The following CCDC146 variants were observed in gnomAD, a reference collection of about 807,000 sequenced individuals.
CCDC146 encodes the protein coiled-coil domain containing 146.
A neutral mutation model predicts 119.3 loss-of-function variants in CCDC146; 92 were observed. The observed-to-expected ratio is 0.77, with a 90% confidence interval of 0.65 to 0.92. The LOEUF (loss-of-function observed/expected upper bound fraction) is 0.92. Among genes scored for constraint, CCDC146 ranks in the 40% least tolerant of loss-of-function variants. The probability of loss-of-function intolerance (pLI) is 0.00; values close to 1 mark genes in which losing one functional copy is unlikely to be tolerated. For synonymous variants in CCDC146, 372 were observed against 371.8 expected (o/e 1.00, Z -0.01); for missense variants, 1,000 against 1,103.0 (o/e 0.91, Z 1.32).
intron 4 of CCDC146, among the ~76,000 whole-genome samples, chr7:77,252,367 G>A (rs1173479566): frequency 6.6e-6 from 1 of 152,090 alleles, no homozygotes; most frequent in Admixed American, 6.5e-5. Flanking sequence ...AAAGAAATAT[G>A]TTCCAAATGC....
chr7:77,188,155 A>G (rs1791701441), intron 2 of CCDC146, among the ~76,000 whole-genome samples: 1 of 152,164 alleles, frequency 6.6e-6, no homozygotes, highest in Non-Finnish European at 1.5e-5. Context: ...TGCTGTGATT[A>G]TGGGGGCTGC....
chr7:77,259,195 C>T (rs761116381), intron 7 of CCDC146, 127 bp downstream of exon 7: 2 of 580,760 alleles, frequency 3.4e-6, no homozygotes, highest in Admixed American at 3.4e-5. Flanking sequence ...GCTTTGGGCC[C>T]TGTCTAGGTT....
At chr7:77,128,038 G>A (rs571752214) in intron 1 of CCDC146, among the ~76,000 whole-genome samples, 25 of 151,948 alleles carry the variant, frequency 1.6e-4, no homozygotes, top group South Asian at 8.3e-4. Context: ...AAACTGCTCC[G>A]TTTATTTTAC....
chr7:77,143,978 T>C (rs1414862253), intron 1 of CCDC146, among the ~76,000 whole-genome samples: 3 of 151,858 alleles, frequency 2.0e-5, no homozygotes, highest in Non-Finnish European at 4.4e-5. Context: ...TTGATGGGGA[T>C]GGCATTGAAT....
At chr7:77,134,814 A>G (rs1790839112) in intron 1 of CCDC146, among the ~76,000 whole-genome samples, 2 of 152,238 alleles carry the variant, frequency 1.3e-5, no homozygotes, top group African/African-American at 4.8e-5. Context: ...GGTTCCAGCT[A>G]GCTGAGACCC....
At chr7:77,254,608 A>G (rs1378694149) in intron 5 of CCDC146, 45 bp downstream of exon 5, 2 of 1,034,248 alleles carry the variant, frequency 1.9e-6, no homozygotes, top group Non-Finnish European at 2.9e-6. Flanking sequence ...AGCTGGATTC[A>G]ATCATCCCTT....
intron 2 of CCDC146, among the ~76,000 whole-genome samples, chr7:77,201,490 G>A (rs1791987604): frequency 6.6e-6 from 1 of 151,716 alleles, no homozygotes; most frequent in Non-Finnish European, 1.5e-5. Context: ...GGAGGTGGAG[G>A]TTGCAGTGAG....
At chr7:77,207,386 T>G (rs533760675) in intron 2 of CCDC146, among the ~76,000 whole-genome samples, 1 of 152,308 alleles carries the variant, frequency 6.6e-6, no homozygotes, top group South Asian at 2.1e-4. Context: ...TAGTTTATTT[T>G]AAACTACCCA....
At chr7:77,291,452 C>T (rs1005948819) in intron 17 of CCDC146, among the ~76,000 whole-genome samples, 5 of 151,608 alleles carry the variant, frequency 3.3e-5, no homozygotes, top group Non-Finnish European at 7.4e-5. Context: ...TGCCTGTAAT[C>T]CCAGCACTTT....
At chr7:77,141,953 C>T (rs571807051) in intron 1 of CCDC146, among the ~76,000 whole-genome samples, 1 of 152,214 alleles carries the variant, frequency 6.6e-6, no homozygotes, top group South Asian at 2.1e-4. Flanking sequence ...CTTTTGTTGC[C>T]ATTGCTTTTG....
At position 77,171,115 on chromosome 7, in the gene CCDC146, G is replaced by A. The variant is rs866977435; in HGVS notation, c.156+3291G>A. Among the ~76,000 whole-genome samples the A allele has an allele frequency of 5.3e-5, 8 of 152,216 alleles. No homozygotes were observed. The South Asian group carries it at 1.0e-3, about 20-fold the overall frequency. Reference sequence around the variant, plus strand: ...TCAAATCAAAAATAAGGCTAAACTTGTGTCATACATTTGTTTGATATAGTA... The same window carrying A: ...TCAAATCAAAAATAAGGCTAAACTTATGTCATACATTTGTTTGATATAGTA... On this transcript the variant is annotated intron_variant, in intron 2 of 18. Transcript: ENST00000285871.
intron 1 of CCDC146, among the ~76,000 whole-genome samples, chr7:77,153,413 C>G (rs1255559165): frequency 1.4e-5 from 2 of 143,486 alleles, no homozygotes; most frequent in Non-Finnish European, 3.0e-5. Context: ...GCAAGGAGGA[C>G]AGTGGGACTT....
intron 1 of CCDC146, among the ~76,000 whole-genome samples, chr7:77,161,670 G>A (rs1791264194): frequency 1.3e-5 from 2 of 149,744 alleles, no homozygotes; most frequent in African/African-American, 4.9e-5. Context: ...ATAGCTTTAG[G>A]AGATATACCT....
At chr7:77,199,416 A>T (rs1430370977) in intron 2 of CCDC146, 1 of 1,614,136 alleles carries the variant, frequency 6.2e-7, no homozygotes, top group Non-Finnish European at 8.5e-7. Flanking sequence ...CTCTGTTATC[A>T]CCAACCTCTC....
intron 4 of CCDC146, 123 bp from the exon 5 acceptor site, chr7:77,254,383 A>G (rs1475601293): frequency 5.1e-6 from 3 of 592,600 alleles, no homozygotes; most frequent in Non-Finnish European, 8.9e-6. Flanking sequence ...TAAAGAATGG[A>G]CACCAGGTTG....
intron 2 of CCDC146, chr7:77,199,295 T>A (rs1791935254): frequency 6.2e-7 from 1 of 1,614,048 alleles, no homozygotes; most frequent in East Asian, 2.2e-5. Context: ...TCTATGTTGT[T>A]CATATTTACA....
At chr7:77,194,975 C>T (rs1213278381) in intron 2 of CCDC146, 1 of 152,010 alleles carries the variant, frequency 6.6e-6, no homozygotes, top group African/African-American at 2.4e-5. Context: ...AATCTACCAG[C>T]CAGGGTTGAA....
chr7:77,262,846 G>A (rs1467257310), intron 9 of CCDC146, among the ~76,000 whole-genome samples: 1 of 152,210 alleles, frequency 6.6e-6, no homozygotes, highest in Non-Finnish European at 1.5e-5. Flanking sequence ...ACCTGCCTCT[G>A]TGTTCCCAAG....
At chr7:77,184,361 G>A (rs1791632758) in intron 2 of CCDC146, among the ~76,000 whole-genome samples, 1 of 152,144 alleles carries the variant, frequency 6.6e-6, no homozygotes, top group African/African-American at 2.4e-5. Context: ...TACCAACCCT[G>A]CTTTCATCAT....
Sources: allele counts gnomAD v4.1 joint callset (sites outside exome capture counted in the v4.1 genomes callset), GRCh38; gene constraint gnomAD v4.1.1; transcripts MANE v1.5; gene names NCBI Gene and HGNC (gene_info 2026-07-23, HGNC 2026-07-21).